Variants in PFKL observed in about 807,000 individuals in gnomAD.
The protein encoded by PFKL is phosphofructokinase, liver type.
A neutral mutation model predicts 92.1 loss-of-function variants in PFKL; 74 were observed. That is an observed-to-expected ratio of 0.80 (90% CI 0.67 to 0.97). PFKL has a LOEUF of 0.97. Ranked by LOEUF, PFKL falls within the 50% of genes least tolerant of loss-of-function variation. PFKL has a pLI of 0.00. For synonymous variants in PFKL, 494 were observed against 456.4 expected (o/e 1.08, Z -1.05); for missense variants, 1,028 against 1,116.6 (o/e 0.92, Z 1.13).
Position 44,327,173 on chromosome 21 carries a change from C to T in PFKL, c.*311C>T, listed in dbSNP as rs560380994. ...CTGGCTTTGGCGCCCCATGGGCCCT[C>T]AGCGTCTCCCCATGCTGGGCTCACT... On this transcript the variant is annotated 3_prime_UTR_variant, in exon 22 of 22. Transcript: ENST00000349048. The T allele has an allele frequency of 1.7e-3, 751 of 436,132 alleles. 13 individuals carry two copies. Among genetic ancestry groups the T allele is most frequent in the South Asian group, 0.015 (582 of 39,920 alleles). 27.0% of individuals were successfully genotyped at this position (436,132 alleles called of 1,614,324 possible).
At position 44,305,316 on chromosome 21, in the gene PFKL, C is replaced by T. The variant is rs149076820; in HGVS notation, c.86-1365C>T. The T allele has an allele frequency of 2.5e-4, 343 of 1,365,116 alleles. 2 individuals are homozygous for T. In the African/African-American group the frequency reaches 4.2e-3, roughly 17 times the overall value. The allele number at this position is 1,365,116 out of a possible 1,614,324, so 84.6% of individuals were successfully genotyped here. On this transcript the variant is annotated intron_variant, in intron 1 of 21. Coordinates refer to ENST00000349048, the MANE Select transcript of PFKL (RefSeq NM_002626.6). ...CTGAGCCCCACGCCAAGCTGGAGAG[C>T]GGATGAGAAGCATGTGTAACCAGGG...
chr21:44,321,490 T>C (rs374820681), intron 12 of PFKL: 15 of 308,898 alleles, frequency 4.9e-5, no homozygotes, highest in Middle Eastern at 9.2e-4. Context: ...GCCTCCTCTG[T>C]TGCCTGCGTG....
At position 44,312,097 on chromosome 21, in the gene PFKL, C is replaced by T. The variant is rs1251003089; in HGVS notation, c.238-8C>T. 2 of 1,483,250 alleles carry T rather than the reference C, an allele frequency of 1.3e-6. No individual in the cohort carries two copies. The highest frequency in any genetic ancestry group is 1.5e-5 in the African/African-American group (1 of 68,634). 91.9% of individuals were successfully genotyped at this position (1,483,250 alleles called of 1,614,324 possible). ...TCTCTCCTGAAGTTTCTGGTCTCCT[C>T]TGTGCAGGGCGGCACTATCATTGGC... is the stretch of plus-strand genomic sequence containing the variant. On this transcript the variant is annotated splice_polypyrimidine_tract_variant and splice_region_variant and intron_variant, in intron 3 of 21. Coordinates refer to ENST00000349048, the MANE Select transcript of PFKL (RefSeq NM_002626.6).
intron 7 of PFKL, 21 bp downstream of exon 7, chr21:44,314,042 TG>T: frequency 1.3e-6 from 2 of 1,547,336 alleles, no homozygotes; most frequent in Admixed American, 1.8e-5. Flanking sequence ...TCCAGCCTGC[TG>T]GGGGCCGCAG....
intron 1 of PFKL, among the ~76,000 whole-genome samples, chr21:44,301,867 C>T (rs1015595691): frequency 1.3e-5 from 2 of 152,024 alleles, no homozygotes; most frequent in South Asian, 4.1e-4. Context: ...TGGCACGTGC[C>T]CCCCCCACCC....
chr21:44,303,398 G>A (rs1236013214), intron 1 of PFKL, among the ~76,000 whole-genome samples: 4 of 88,486 alleles, frequency 4.5e-5, no homozygotes, highest in Admixed American at 2.6e-4. Flanking sequence ...GTGACAGAAC[G>A]AGACTCTGTC....
At chr21:44,309,465 G>A (rs1381155811) in intron 2 of PFKL, among the ~76,000 whole-genome samples, 1 of 152,108 alleles carries the variant, frequency 6.6e-6, no homozygotes, top group Non-Finnish European at 1.5e-5. Context: ...GGGTAGAGGG[G>A]GGCAAACAGC....
intron 10 of PFKL, 150 bp downstream of exon 10, chr21:44,318,745 G>T: frequency 1.8e-6 from 1 of 547,134 alleles, no homozygotes; most frequent in Non-Finnish European, 3.0e-6. Context: ...TCTCCAGGGA[G>T]GGGAGGGATG....
At position 44,316,455 on chromosome 21, in the gene PFKL, C is replaced by A; in HGVS notation, c.867C>A (p.Phe289Leu). The part of the protein sequence containing the change: ...VKDLVVQRLG[F>L]DTRVTVLGHV... ...AGCTGGTGGTTCAGAGGCTGGGCTT[C>A]GACACCCGTGTAACTGTGCTGGGCC... is the stretch of plus-strand genomic sequence containing the variant. Residue 289 changes from phenylalanine to leucine, a missense_variant, in exon 9 of 22, where the codon TTC becomes TTA. Phe to Leu is a conservative substitution (Grantham distance 22). Coordinates refer to ENST00000349048, the MANE Select transcript of PFKL (RefSeq NM_002626.6). The A allele has an allele frequency of 6.2e-7, 1 of 1,611,654 alleles. No individual in the cohort carries two copies. The highest frequency in any genetic ancestry group is 8.5e-7 in the Non-Finnish European group (1 of 1,178,840).
chr21:44,320,121 G>A lies in PFKL; in HGVS notation c.1165G>A (p.Ala389Thr). 14 of 1,613,464 alleles carry A rather than the reference G, an allele frequency of 8.7e-6. No homozygotes were observed. The highest frequency in any genetic ancestry group is 1.2e-5 in the Non-Finnish European group (14 of 1,179,828). The stretch of plus-strand genomic sequence containing the variant: ...CAACTGGAACATTTACAAGCTCCTC[G>A]CCCACCAGAAGCCCCCCAAGGAGAA... ...ENNWNIYKLLAHQKPPKEKSN... is the reference protein window; with the variant it reads ...ENNWNIYKLLTHQKPPKEKSN... Residue 389 changes from alanine to threonine, a missense_variant, in exon 12 of 22, where the codon GCC (alanine) becomes ACC (threonine). Physicochemically the swap from Ala to Thr is moderately conservative, Grantham distance 58 (BLOSUM62 0). Coordinates refer to ENST00000349048, the MANE Select transcript of PFKL (RefSeq NM_002626.6).
intron 10 of PFKL, among the ~76,000 whole-genome samples, chr21:44,319,088 G>A (rs1212783180): frequency 6.6e-6 from 1 of 152,164 alleles, no homozygotes; most frequent in Non-Finnish European, 1.5e-5. Flanking sequence ...CCTGCAACTG[G>A]GGCAGAGTGC....
In PFKL at chr21:44,314,034, C is replaced by T. The variant is rs1440369109; in HGVS notation, c.747+13C>T. On this transcript the variant is annotated intron_variant, in intron 7 of 21. Transcript: ENST00000349048. ...GAGGCTGGGTGAGGTGGGTGCCGTC[C>T]AGCCTGCTGGGGGCCGCAGGTGTCC... 4 of 1,576,624 alleles carry T rather than the reference C, an allele frequency of 2.5e-6. No individual in the cohort carries two copies. Among genetic ancestry groups the T allele is most frequent in the Non-Finnish European group, 3.5e-6 (4 of 1,156,954 alleles).
At chr21:44,305,562 C>T (rs561142278) in intron 1 of PFKL, 20 of 837,288 alleles carry the variant, frequency 2.4e-5, no homozygotes, top group South Asian at 2.4e-4. Flanking sequence ...AAGAGCAGGG[C>T]TGGTCCCAGG....
chr21:44,322,150 G>A lies in PFKL; in HGVS notation c.1356G>A (p.Trp452Ter). Residue 452 changes from tryptophan (W) to a stop codon, truncating the protein, a stop_gained, in exon 14 of 22, where the codon TGG becomes TGA. Coordinates refer to ENST00000349048, the MANE Select transcript of PFKL (RefSeq NM_002626.6). LOFTEE classifies it high-confidence loss of function. ...CCTGGCAGGTGCAAGAAGTAGGCTG[G>A]CACGACGTGGCCGGCTGGTTGGGGC... is the stretch of plus-strand genomic sequence containing the variant. ...LAKGQVQEVG[W>*]HDVAGWLGRG... is the part of the protein sequence containing the mutation. The A allele has an allele frequency of 6.2e-7, 1 of 1,606,080 alleles. No homozygotes were observed.
At chr21:44,311,461 C>A (rs1452435317) in intron 3 of PFKL, among the ~76,000 whole-genome samples, 1 of 152,160 alleles carries the variant, frequency 6.6e-6, no homozygotes, top group Admixed American at 6.5e-5. Context: ...TACACAGATA[C>A]ACACGTAGAC....
chr21:44,302,930 G>C (rs1156346479), intron 1 of PFKL, among the ~76,000 whole-genome samples: 2 of 152,178 alleles, frequency 1.3e-5, no homozygotes, highest in African/African-American at 4.8e-5. Context: ...CTGTGCAAAG[G>C]TAGCTAGAAG....
Position 44,322,383 on chromosome 21 carries a change from C to T in PFKL, c.1409+180C>T, listed in dbSNP as rs193013804. On this transcript the variant is annotated intron_variant, in intron 14 of 21. Transcript: ENST00000349048. ...GCCTGGGGCTTCCTGGCCTGAGCTC[C>T]GCTGTGTAGGGCAGGCTGCTCTGGC... is the stretch of plus-strand genomic sequence containing the variant. Among the ~76,000 whole-genome samples, 119 of 152,322 alleles carry T rather than the reference C, an allele frequency of 7.8e-4. 1 individual carries two copies. The highest frequency in any genetic ancestry group is 2.7e-3 in the African/African-American group (111 of 41,574).
chr21:44,327,108 A>AG lies in PFKL; in HGVS notation c.*250dup. 1.8e-6 allele frequency: 1 copy of AG among 555,854 alleles called. No individual in the cohort carries two copies. The highest frequency in any genetic ancestry group is 2.1e-5 in the South Asian group (1 of 46,594). 34.4% of individuals were successfully genotyped at this position (555,854 alleles called of 1,614,324 possible). On this transcript the variant is annotated 3_prime_UTR_variant, in exon 22 of 22. Transcript: ENST00000349048. ...CCCTGGGGCATCCACCTTCCTGCCC[A>AG]GGGGACGTGGCGCTGTCGGTGTTTG...
At chr21:44,307,385 A>G in intron 2 of PFKL, 8 of 814,930 alleles carry the variant, frequency 9.8e-6, no homozygotes, top group Non-Finnish European at 1.2e-5. Context: ...GCATTCACAC[A>G]CTTGGGCCAC....
Sources: gnomAD v4.1 joint callset for allele counts (sites outside exome capture counted in the v4.1 genomes callset) on GRCh38, gnomAD v4.1.1 for gene constraint, MANE v1.5 for transcripts, NCBI Gene and HGNC (gene_info 2026-07-23, HGNC 2026-07-21) for gene names.